The following NAV1 variants were observed in gnomAD, a reference collection of about 807,000 sequenced individuals.
NAV1 encodes the protein neuron navigator 1.
A neutral mutation model predicts 175.2 loss-of-function variants in NAV1; 18 were observed. The observed-to-expected ratio is 0.10, with a 90% confidence interval of 0.07 to 0.15. NAV1 has a LOEUF of 0.15. Among genes scored for constraint, NAV1 ranks in the 10% least tolerant of loss-of-function variants. The probability of loss-of-function intolerance (pLI) is 1.00; values close to 1 mark genes in which losing one functional copy is unlikely to be tolerated. For synonymous variants in NAV1, 897 were observed against 978.7 expected, an observed-to-expected ratio of 0.92 and a Z score of 1.56; for missense variants, 1,731 against 2,436.6, an observed-to-expected ratio of 0.71 and a Z score of 6.10.
At chr1:201,652,861 T>C (rs530151184) in intron 1 of NAV1, among the ~76,000 whole-genome samples, 1 of 152,296 alleles carries the variant, frequency 6.6e-6, no homozygotes, top group Admixed American at 6.5e-5. Flanking sequence ...GTTGAAAATA[T>C]TGTAAGTCAA....
At chr1:201,735,944 C>G (rs894409735) in intron 3 of NAV1, among the ~76,000 whole-genome samples, 1 of 152,178 alleles carries the variant, frequency 6.6e-6, no homozygotes, top group Non-Finnish European at 1.5e-5. Context: ...CTCCCAATTC[C>G]TTTCTCTTTC....
At chr1:201,591,251 C>T (rs1667183992) in intron 2 of NAV1, among the ~76,000 whole-genome samples, 1 of 152,200 alleles carries the variant, frequency 6.6e-6, no homozygotes, top group Non-Finnish European at 1.5e-5. Flanking sequence ...ATTTTCTTCT[C>T]ATCCTTAATG....
chr1:201,660,267 G>A (rs1669559613), intron 1 of NAV1, among the ~76,000 whole-genome samples: 1 of 152,240 alleles, frequency 6.6e-6, no homozygotes, highest in South Asian at 2.1e-4. Context: ...AGACATGAGA[G>A]TGGCCTTCCT....
chr1:201,574,774 C>A (rs927487080), intron 1 of NAV1, among the ~76,000 whole-genome samples: 1 of 152,206 alleles, frequency 6.6e-6, no homozygotes, highest in Non-Finnish European at 1.5e-5. Context: ...GCGTTGGGAG[C>A]CCTGACCCTC....
At chr1:201,717,465 A>G (rs1053920062) in intron 2 of NAV1, among the ~76,000 whole-genome samples, 1 of 152,154 alleles carries the variant, frequency 6.6e-6, no homozygotes, top group African/African-American at 2.4e-5. Flanking sequence ...CACCCCTTCA[A>G]CCAGATTCCA....
intron 1 of NAV1, among the ~76,000 whole-genome samples, chr1:201,549,099 CTTT>C: frequency 6.8e-6 from 1 of 147,340 alleles, no homozygotes; most frequent in Non-Finnish European, 1.5e-5. Flanking sequence ...TTCTTTCTTT[CTTT>C]CTTTCTTTCT....
intron 2 of NAV1, among the ~76,000 whole-genome samples, chr1:201,641,990 CTTCCCTTTA>C (rs1465696603): frequency 2.0e-5 from 3 of 148,466 alleles, no homozygotes; most frequent in Non-Finnish European, 3.0e-5. Flanking sequence ...TTTTCTCTTT[CTTCCCTTTA>C]TTCCCTTCCT....
At chr1:201,698,563 C>T (rs1255825990) in intron 1 of NAV1, among the ~76,000 whole-genome samples, 1 of 152,210 alleles carries the variant, frequency 6.6e-6, no homozygotes, top group Non-Finnish European at 1.5e-5. Flanking sequence ...GGATTCACAT[C>T]CTACATAGAA....
upstream of NAV1, among the ~76,000 whole-genome samples, chr1:201,644,328 C>T (rs1288059778): frequency 6.6e-6 from 1 of 152,190 alleles, no homozygotes; most frequent in Non-Finnish European, 1.5e-5. Flanking sequence ...TTAGGAATCA[C>T]TCGAGGAACC....
exon 30 of NAV1, chr1:201,821,460 G>A (rs1012168345): frequency 6.7e-6 from 1 of 149,886 alleles, no homozygotes; most frequent in Non-Finnish European, 1.5e-5. Flanking sequence ...CATTTGACAA[G>A]TACTTACTGA....
At chr1:201,762,942 C>CA (rs1285285397) in intron 3 of NAV1, among the ~76,000 whole-genome samples, 21 of 151,844 alleles carry the variant, frequency 1.4e-4, no homozygotes, top group Non-Finnish European at 2.9e-5. Flanking sequence ...CATCCCTTTC[C>CA]AAAAATCCTT....
chr1:201,780,116 T>A (rs552203380), intron 3 of NAV1, among the ~76,000 whole-genome samples: 1 of 152,360 alleles, frequency 6.6e-6, no homozygotes, highest in Admixed American at 6.5e-5. Context: ...TAAATTGGTT[T>A]GTATAATTAG....
chr1:201,674,765 G>A (rs1670178344), intron 1 of NAV1, among the ~76,000 whole-genome samples: 1 of 152,050 alleles, frequency 6.6e-6, no homozygotes, highest in South Asian at 2.1e-4. Flanking sequence ...GGCTGGGCAC[G>A]GTGGCTCACA....
intron 3 of NAV1, among the ~76,000 whole-genome samples, chr1:201,749,774 A>T (rs934505567): frequency 1.3e-5 from 2 of 152,112 alleles, no homozygotes; most frequent in African/African-American, 4.8e-5. Context: ...GGTGACACAT[A>T]CCTGTGGTCC....
intron 2 of NAV1, among the ~76,000 whole-genome samples, chr1:201,590,909 G>A (rs1279751497): frequency 6.6e-6 from 1 of 152,226 alleles, no homozygotes; most frequent in East Asian, 1.9e-4. Flanking sequence ...ACAGTGAGAT[G>A]TCTTTCTAAT....
At chr1:201,578,464 T>C (rs1275159240) in intron 1 of NAV1, among the ~76,000 whole-genome samples, 1 of 152,218 alleles carries the variant, frequency 6.6e-6, no homozygotes, top group Non-Finnish European at 1.5e-5. Flanking sequence ...ATGAAAGTTC[T>C]GTCTCTCCAC....
intron 1 of NAV1, among the ~76,000 whole-genome samples, chr1:201,580,844 G>A (rs1307656866): frequency 1.3e-5 from 2 of 152,178 alleles, no homozygotes; most frequent in Non-Finnish European, 2.9e-5. Context: ...TACTTGGGAT[G>A]GGGTTGGGGG....
intron 2 of NAV1, among the ~76,000 whole-genome samples, chr1:201,594,868 T>C (rs1398922836): frequency 6.6e-6 from 1 of 152,086 alleles, no homozygotes; most frequent in Non-Finnish European, 1.5e-5. Context: ...CAGAGACCAG[T>C]TTAGAGGGTC....
chr1:201,666,253 G>T (rs894100602), intron 1 of NAV1, among the ~76,000 whole-genome samples: 3 of 152,006 alleles, frequency 2.0e-5, no homozygotes, highest in Admixed American at 1.3e-4. Context: ...GCTCCCATAT[G>T]TTCAGGGAAT....
Sources: gnomAD v4.1 joint callset for allele counts (sites outside exome capture counted in the v4.1 genomes callset) on GRCh38, gnomAD v4.1.1 for gene constraint, MANE v1.5 for transcripts, NCBI Gene and HGNC (gene_info 2026-07-23, HGNC 2026-07-21) for gene names.